The following MARCHF3 variants were observed in gnomAD, a reference collection of about 807,000 sequenced individuals.
MARCHF3 encodes membrane associated ring-CH-type finger 3.
A neutral mutation model predicts 24.2 loss-of-function variants in MARCHF3; 13 were observed. The ratio of observed to expected loss-of-function variants is 0.54; its 90% confidence interval spans 0.35 to 0.85. MARCHF3 has a LOEUF of 0.85. Among genes scored for constraint, MARCHF3 ranks in the 40% least tolerant of loss-of-function variants. MARCHF3 has a pLI of 0.01. For missense variants in MARCHF3, 276 were observed against 325.0 expected (o/e 0.85, Z 1.16); for synonymous variants, 144 against 137.3 (o/e 1.05, Z -0.34).
intron 1 of MARCHF3, among the ~76,000 whole-genome samples, chr5:126,967,553 C>T (rs538207022): frequency 1.5e-4 from 23 of 152,188 alleles, no homozygotes; most frequent in South Asian, 1.5e-3. Context: ...ACTAGCCAGG[C>T]GTGGTGGCCG....
At chr5:126,891,044 G>A (rs1753670291) in intron 3 of MARCHF3, among the ~76,000 whole-genome samples, 1 of 150,892 alleles carries the variant, frequency 6.6e-6, no homozygotes, top group East Asian at 2.0e-4. Flanking sequence ...GCCAGTGATG[G>A]TGAGCATTTT....
chr5:126,987,523 G>A (rs980657580), intron 1 of MARCHF3, among the ~76,000 whole-genome samples: 15 of 152,136 alleles, frequency 9.9e-5, no homozygotes, highest in Admixed American at 2.6e-4. Context: ...CCACGACTGC[G>A]TGAGCCAATT....
chr5:126,937,882 CA>C (rs947716964), intron 1 of MARCHF3, among the ~76,000 whole-genome samples: 21 of 152,144 alleles, frequency 1.4e-4, no homozygotes, highest in South Asian at 1.0e-3. Flanking sequence ...GCATATTCCA[CA>C]AAAAAACTCC....
chr5:127,022,534 A>G (rs1437484138), intron 1 of MARCHF3, among the ~76,000 whole-genome samples: 1 of 152,212 alleles, frequency 6.6e-6, no homozygotes, highest in Non-Finnish European at 1.5e-5. Flanking sequence ...CACTGAAAAG[A>G]AGATATGGGA....
intron 1 of MARCHF3, among the ~76,000 whole-genome samples, chr5:126,999,829 C>T (rs1008398465): frequency 2.0e-5 from 3 of 152,064 alleles, no homozygotes; most frequent in Admixed American, 6.5e-5. Context: ...TAATGTACCA[C>T]ACTGGATAGA....
chr5:126,953,344 G>A (rs532482196), intron 1 of MARCHF3, among the ~76,000 whole-genome samples: 1 of 151,820 alleles, frequency 6.6e-6, no homozygotes, highest in Non-Finnish European at 1.5e-5. Flanking sequence ...CACTACCCTA[G>A]GATTTTTAAA....
intron 1 of MARCHF3, among the ~76,000 whole-genome samples, chr5:126,959,031 A>T (rs1407903927): frequency 6.6e-6 from 1 of 152,228 alleles, no homozygotes; most frequent in African/African-American, 2.4e-5. Flanking sequence ...GATGAAATCC[A>T]AATAATTTAT....
intron 1 of MARCHF3, among the ~76,000 whole-genome samples, chr5:127,026,015 G>C (rs1469641952): frequency 6.6e-6 from 1 of 152,010 alleles, no homozygotes; most frequent in Non-Finnish European, 1.5e-5. Context: ...TTTTGCTATG[G>C]GGATAAGGGT....
chr5:126,957,031 C>A (rs1454814298), intron 1 of MARCHF3, among the ~76,000 whole-genome samples: 1 of 152,206 alleles, frequency 6.6e-6, no homozygotes, highest in African/African-American at 2.4e-5. Context: ...GGACTATGGG[C>A]ACATGCCATG....
chr5:126,874,586 CAA>C (rs55934327), intron 4 of MARCHF3, among the ~76,000 whole-genome samples: 2,196 of 85,516 alleles, frequency 0.026, 56 homozygotes, highest in African/African-American at 0.068. Flanking sequence ...AACTCCCTCT[CAA>C]AAAAAAAAAA....
rs749505244 is a variant in MARCHF3 at position 126,870,791 on chromosome 5, C to G, written c.604G>C (p.Val202Leu). Residue 202 changes from valine (V) to leucine (L), a missense_variant and splice_region_variant, in exon 5 of 5, where the codon GTG (valine) becomes CTG (leucine). By Grantham distance (32) the Val-to-Leu change is conservative. Coordinates refer to ENST00000308660, the MANE Select transcript of MARCHF3 (RefSeq NM_178450.5). ...LFTIYLFWTL[V>L]SFRYHCRLYN... is the part of the protein sequence containing the mutation. ...AATCGACAGTGGTACCTAAATGACA[C>G]CTGGGGATGGGAGAGGAAAAGTAAG... The G allele has an allele frequency of 5.0e-6, 8 of 1,613,706 alleles. No homozygotes were observed. The South Asian group carries it at 7.7e-5, about 16-fold the overall frequency.
At chr5:126,890,178 T>C (rs9327423) in intron 3 of MARCHF3, among the ~76,000 whole-genome samples, 150,153 of 152,294 alleles carry the variant, frequency 0.99, 74,069 homozygotes, top group East Asian at 1. Flanking sequence ...ATTTTGCTGG[T>C]CTTACTTCCT....
chr5:126,944,746 A>C (rs565567303), intron 1 of MARCHF3, among the ~76,000 whole-genome samples: 1 of 152,308 alleles, frequency 6.6e-6, no homozygotes, highest in South Asian at 2.1e-4. Flanking sequence ...TGACTCTGTA[A>C]ATCACTTCAC....
At chr5:126,914,830 G>C in intron 3 of MARCHF3, 100 bp downstream of exon 3, 1 of 894,206 alleles carries the variant, frequency 1.1e-6, no homozygotes, top group South Asian at 1.5e-5. Context: ...AGCTATTACC[G>C]TGCTTCAGTA....
intron 1 of MARCHF3, among the ~76,000 whole-genome samples, chr5:126,975,531 T>C (rs1159159675): frequency 1.3e-5 from 2 of 152,212 alleles, no homozygotes; most frequent in Admixed American, 6.5e-5. Context: ...TTGTAATTTG[T>C]GTAATATTCT....
intron 1 of MARCHF3, among the ~76,000 whole-genome samples, chr5:126,972,177 A>G (rs1011524017): frequency 6.6e-6 from 1 of 151,480 alleles, no homozygotes; most frequent in Non-Finnish European, 1.5e-5. Context: ...ATACAAAGTT[A>G]GGAGTACAAC....
At chr5:126,893,001 T>A (rs1016197475) in intron 3 of MARCHF3, among the ~76,000 whole-genome samples, 1 of 151,900 alleles carries the variant, frequency 6.6e-6, no homozygotes, top group Non-Finnish European at 1.5e-5. Flanking sequence ...TTCAACTTCT[T>A]CCTGGTTGAG....
At chr5:126,997,723 T>C (rs1404992473) in intron 1 of MARCHF3, among the ~76,000 whole-genome samples, 1 of 152,246 alleles carries the variant, frequency 6.6e-6, no homozygotes, top group African/African-American at 2.4e-5. Flanking sequence ...GATAAGGCTA[T>C]GCTTTTCTGC....
rs1304339584 is a variant in MARCHF3 at position 126,870,356 on chromosome 5, A to G, written c.*277T>C. The G allele has an allele frequency of 2.0e-5, 6 of 293,022 alleles. No homozygotes were observed. The highest frequency in any genetic ancestry group is 3.9e-5 in the Non-Finnish European group (6 of 154,820). The allele number at this position is 293,022 out of a possible 1,614,324, so 18.2% of individuals were successfully genotyped here. A position where few individuals can be genotyped will look rare whatever the true frequency, so the allele number is the denominator to read the frequency against. Reference sequence around the variant, plus strand: ...GCAGGACAACCTTCCTCATACGTTAAAGAGGTGTTCAGAAAATTCCATACA... The same window carrying G: ...GCAGGACAACCTTCCTCATACGTTAGAGAGGTGTTCAGAAAATTCCATACA... On this transcript the variant is annotated 3_prime_UTR_variant, in exon 5 of 5. Coordinates refer to ENST00000308660, the MANE Select transcript of MARCHF3 (RefSeq NM_178450.5).
Sources: allele counts gnomAD v4.1 joint callset (sites outside exome capture counted in the v4.1 genomes callset), GRCh38; gene constraint gnomAD v4.1.1; transcripts MANE v1.5; gene names NCBI Gene and HGNC (gene_info 2026-07-23, HGNC 2026-07-21).